Variants in KCNN2 observed in about 807,000 individuals in gnomAD.
KCNN2 encodes small conductance calcium-activated potassium channel protein 2.
Under a neutral mutation model 55.5 loss-of-function variants are expected in KCNN2, and 24 were observed. The observed-to-expected ratio is 0.43, with a 90% CI of 0.31 to 0.61. The LOEUF is 0.61. Ranked by LOEUF, KCNN2 falls within the 20% of genes least tolerant of loss-of-function variation. The pLI is 0.08. For synonymous variants in KCNN2, 431 were observed against 336.1 expected (o/e 1.28, Z -3.09); for missense variants, 754 against 853.6 (o/e 0.88, Z 1.45).
chr5:114,412,351 T>G (rs1759162439), intron 3 of KCNN2, among the ~76,000 whole-genome samples: 1 of 152,216 alleles, frequency 6.6e-6, no homozygotes, highest in South Asian at 2.1e-4. Context: ...CTTAATCTGT[T>G]CCTCTAACAC....
intron 1 of KCNN2, among the ~76,000 whole-genome samples, chr5:114,081,757 A>C (rs1750823804): frequency 6.6e-6 from 1 of 152,210 alleles, no homozygotes; most frequent in African/African-American, 2.4e-5. Context: ...CAAAAGAAAA[A>C]GTAAACAAAT....
intron 1 of KCNN2, among the ~76,000 whole-genome samples, chr5:114,104,485 G>T (rs530385377): frequency 6.6e-6 from 1 of 151,932 alleles, no homozygotes; most frequent in South Asian, 2.1e-4. Flanking sequence ...TGCTTTGTTA[G>T]TTCTTTTGGT....
chr5:114,227,417 A>G (rs931732558), intron 2 of KCNN2, among the ~76,000 whole-genome samples: 2 of 152,128 alleles, frequency 1.3e-5, no homozygotes, highest in Non-Finnish European at 1.5e-5. Flanking sequence ...TCCTTTACTC[A>G]TGCCCTAAAG....
intron 1 of KCNN2, among the ~76,000 whole-genome samples, chr5:114,159,951 C>A (rs1752729528): frequency 6.6e-6 from 1 of 152,090 alleles, no homozygotes; most frequent in Non-Finnish European, 1.5e-5. Context: ...TTTCAAAAAA[C>A]CAGCTCCTGG....
chr5:114,437,911 T>C (rs1760064431), intron 3 of KCNN2, among the ~76,000 whole-genome samples: 1 of 152,196 alleles, frequency 6.6e-6, no homozygotes, highest in South Asian at 2.1e-4. Flanking sequence ...TCTTAAATAT[T>C]TCTTTTTCTC....
chr5:114,391,820 G>T (rs1025758092), intron 2 of KCNN2, among the ~76,000 whole-genome samples: 7 of 152,072 alleles, frequency 4.6e-5, no homozygotes, highest in Non-Finnish European at 8.8e-5. Context: ...TTAACAAATG[G>T]GGTAGGTGGC....
chr5:114,437,810 T>C (rs974822599), intron 3 of KCNN2, among the ~76,000 whole-genome samples: 1 of 152,208 alleles, frequency 6.6e-6, no homozygotes, highest in African/African-American at 2.4e-5. Context: ...GTCACGTGTC[T>C]ATTTGCCTGG....
At chr5:114,351,320 T>C (rs766293461) in intron 2 of KCNN2, among the ~76,000 whole-genome samples, 1 of 151,792 alleles carries the variant, frequency 6.6e-6, no homozygotes, top group Non-Finnish European at 1.5e-5. Context: ...CTGCTGATCC[T>C]GTTTATTAGT....
At chr5:114,385,904 C>T (rs769471634) in intron 2 of KCNN2, among the ~76,000 whole-genome samples, 11 of 151,342 alleles carry the variant, frequency 7.3e-5, no homozygotes, top group Non-Finnish European at 1.6e-4. Flanking sequence ...TAAGGCCGGG[C>T]GCAGTGGTTC....
intron 1 of KCNN2, among the ~76,000 whole-genome samples, chr5:114,083,403 T>TA: frequency 6.6e-6 from 1 of 152,214 alleles, no homozygotes; most frequent in East Asian, 1.9e-4. Context: ...ATTTCCCCTC[T>TA]AAATATGCGT....
intron 3 of KCNN2, among the ~76,000 whole-genome samples, chr5:114,452,134 G>A (rs1198730012): frequency 2.0e-5 from 3 of 152,088 alleles, no homozygotes; most frequent in Admixed American, 6.6e-5. Context: ...AATAGATTGG[G>A]GCAGTTTACA....
chr5:114,399,627 A>T (rs1580791134), intron 2 of KCNN2, among the ~76,000 whole-genome samples: 1 of 152,110 alleles, frequency 6.6e-6, no homozygotes, highest in South Asian at 2.1e-4. Context: ...TGTGATAGGG[A>T]GAAGTGCCTT....
Position 114,496,346 on chromosome 5 carries a change from CTTT to C in KCNN2, c.*171_*173del. 2 of 658,474 alleles carry C rather than the reference CTTT, an allele frequency of 3.0e-6. No homozygotes were observed. Among genetic ancestry groups the C allele is most frequent in the South Asian group, 2.2e-5 (1 of 45,532 alleles). 40.8% of individuals were successfully genotyped at this position (658,474 alleles called of 1,614,324 possible). A position where few individuals can be genotyped will look rare whatever the true frequency, so the allele number is the denominator to read the frequency against. The stretch of plus-strand genomic sequence containing the variant: ...TTTTAGGCCAAAATGAGTGAAAACT[CTTT>C]TTTTTTCTTTCAGATGCACAGGGAA... On this transcript the variant is annotated 3_prime_UTR_variant, in exon 8 of 8. Coordinates refer to ENST00000673685, the MANE Select transcript of KCNN2 (RefSeq NM_021614.4).
intron 3 of KCNN2, among the ~76,000 whole-genome samples, chr5:114,446,001 G>A (rs1275281500): frequency 6.6e-6 from 1 of 152,186 alleles, no homozygotes; most frequent in Non-Finnish European, 1.5e-5. Flanking sequence ...TGAAGCCTAG[G>A]ATAATTCTTC....
At chr5:114,348,734 A>G (rs1347043821) in intron 2 of KCNN2, among the ~76,000 whole-genome samples, 1 of 152,180 alleles carries the variant, frequency 6.6e-6, no homozygotes, top group African/African-American at 2.4e-5. Flanking sequence ...TTATCTTAAA[A>G]TGCATAGATG....
At chr5:114,473,637 T>A (rs1761848964) in intron 5 of KCNN2, among the ~76,000 whole-genome samples, 1 of 152,154 alleles carries the variant, frequency 6.6e-6, no homozygotes, top group Non-Finnish European at 1.5e-5. Context: ...TTCCTTGACT[T>A]ACAGGCCATA....
rs1757464586 is a variant in KCNN2, at chr5:114,362,611, C to T, written c.472C>T (p.His158Tyr). The change falls in exon 1 of 8, where the codon CAC (histidine) becomes TAC (tyrosine). Residue 158 changes from histidine (H) to tyrosine (Y), a missense_variant. Physicochemically the swap from His to Tyr is moderately conservative, Grantham distance 83. Coordinates refer to ENST00000673685, the MANE Select transcript of KCNN2 (RefSeq NM_021614.4). ...GCAGTCGGCGTCCGCCTCCCAGTAC[C>T]ACCAGTGCCACAGCCTGCAGCCCGC... is the stretch of plus-strand genomic sequence containing the variant. ...AQQSASASQY[H>Y]QCHSLQPAAS... is the part of the protein sequence containing the mutation. 6 of 922,260 alleles carry T rather than the reference C, an allele frequency of 6.5e-6. No homozygotes were observed. Among genetic ancestry groups the T allele is most frequent in the South Asian group, 1.8e-5 (1 of 55,886 alleles). 57.1% of individuals were successfully genotyped at this position (922,260 alleles called of 1,614,324 possible).
intron 2 of KCNN2, among the ~76,000 whole-genome samples, chr5:114,255,613 G>T (rs1476954974): frequency 1.3e-5 from 2 of 152,098 alleles, no homozygotes; most frequent in African/African-American, 4.8e-5. Context: ...AGAGAGGAAG[G>T]AACCATCGTA....
intron 2 of KCNN2, among the ~76,000 whole-genome samples, chr5:114,398,864 A>T (rs557593398): frequency 6.6e-6 from 1 of 152,096 alleles, no homozygotes; most frequent in Admixed American, 6.6e-5. Context: ...GGTGTATAGG[A>T]ATGCTACTGG....
Sources: allele counts gnomAD v4.1 joint callset (sites outside exome capture counted in the v4.1 genomes callset), GRCh38; gene constraint gnomAD v4.1.1; transcripts MANE v1.5; gene names NCBI Gene and HGNC (gene_info 2026-07-23, HGNC 2026-07-21).